ATP8B3: variants seen among roughly 807,000 people sequenced by gnomAD.
ATP8B3 encodes the protein phospholipid-transporting ATPase IK.
In ATP8B3, 141 loss-of-function variants were observed where a neutral mutation model predicts 140.9. That is an observed-to-expected ratio of 1.00 (90% CI 0.87 to 1.15). ATP8B3 has a LOEUF of 1.15. Among genes scored for constraint, ATP8B3 ranks in the 50% most tolerant of loss-of-function variants. The pLI is 0.00. For missense variants in ATP8B3, 1,874 were observed against 1,740.6 expected (o/e 1.08, Z -1.36); for synonymous variants, 765 against 714.6 (o/e 1.07, Z -1.13).
At chr19:1,787,019 C>A in intron 25 of ATP8B3, 84 bp downstream of exon 25, 3 of 1,338,238 alleles carry the variant, frequency 2.2e-6, no homozygotes, top group Non-Finnish European at 3.1e-6. Context: ...CTCCCAGGCT[C>A]CCTCTCCCCG....
Position 1,800,346 on chromosome 19 carries a change from C to T in ATP8B3, c.1256G>A (p.Gly419Glu), listed in dbSNP as rs2145195881. ...DHHYYLSGVH[G>E]SSVAAESFFV... ...GAAGGACTCTGCGGCCACGCTGCTC[C>T]CATGCACCCCCGAGAGGTAGTAGTG... Residue 419 changes from glycine to glutamate, a missense_variant, in exon 13 of 29, where the codon GGG becomes GAG. Gly to Glu is a moderately conservative substitution (Grantham distance 98). Transcript: ENST00000310127. This position sits in a 1 kb window ranked among gnomAD's most constrained non-coding sequence, Gnocchi z 4.4. The T allele has an allele frequency of 1.9e-6, 3 of 1,612,834 alleles. No individual in the cohort carries two copies. Among genetic ancestry groups the T allele is most frequent in the East Asian group, 2.2e-5 (1 of 44,870 alleles).
intron 28 of ATP8B3, among the ~76,000 whole-genome samples, chr19:1,784,066 C>A (rs2068232721): frequency 6.6e-6 from 1 of 152,202 alleles, no homozygotes; most frequent in Admixed American, 6.5e-5. Flanking sequence ...CTTCTCACGG[C>A]TCAGGCGTGT....
At position 1,796,870 on chromosome 19, in the gene ATP8B3, A is replaced by C. The variant is rs200011518; in HGVS notation, c.1594T>G (p.Tyr532Asp). The C allele has an allele frequency of 7.2e-4, 1,144 of 1,599,576 alleles. 6 individuals are homozygous for C. In the African/African-American group the frequency reaches 0.014, roughly 19 times the overall value. ...EATTRPKENP[Y>D]LWNKFADGKL... Reference sequence around the variant, plus strand: ...CCGTCGGCGAACTTGTTCCAGAGGTAGGGGTTCTCCTGGGGGTGGCGGGGG... The same window carrying C: ...CCGTCGGCGAACTTGTTCCAGAGGTCGGGGTTCTCCTGGGGGTGGCGGGGG... Residue 532 changes from tyrosine (Y) to aspartate (D), a missense_variant, in exon 16 of 29, where the codon TAC (tyrosine) becomes GAC (aspartate). By Grantham distance (160) the Tyr-to-Asp change is radical. Around this residue, in one of 3 missense-constraint regions of ATP8B3, gnomAD observed 1,032 missense variants for 963.6 expected, o/e 1.07. Coordinates refer to ENST00000310127, the MANE Select transcript of ATP8B3 (RefSeq NM_138813.4).
rs749758477 is a variant in ATP8B3, at chr19:1,808,280, AG to A, written c.457del (p.Leu153CysfsTer70). 3 of 1,613,242 alleles carry A rather than the reference AG, an allele frequency of 1.9e-6. No homozygotes were observed. The South Asian group carries it at 3.3e-5, about 18-fold the overall frequency. On this transcript the variant is annotated frameshift_variant, in exon 5 of 29. Coordinates refer to ENST00000310127, the MANE Select transcript of ATP8B3 (RefSeq NM_138813.4). LOFTEE classifies it high-confidence loss of function. The stretch of plus-strand genomic sequence containing the variant: ...GGACACGCGGTGGAACTGCTCGTAC[AG>A]GTTCAGCGGCAGGAACGAGTAGAAG... ...YNFYSFLPLN[L>X]YEQFHRVSNL...
intron 25 of ATP8B3, among the ~76,000 whole-genome samples, 163 bp downstream of exon 25, chr19:1,786,940 G>C (rs953188916): frequency 6.6e-6 from 1 of 152,170 alleles, no homozygotes; most frequent in Non-Finnish European, 1.5e-5. Flanking sequence ...GGTGGGAGAA[G>C]GTCAATGGCA....
chr19:1,810,167 G>A (rs1416306772), intron 3 of ATP8B3, among the ~76,000 whole-genome samples: 1 of 152,262 alleles, frequency 6.6e-6, no homozygotes, highest in Non-Finnish European at 1.5e-5. Flanking sequence ...GTCAGTACTA[G>A]GGTTGGAGAC....
At chr19:1,802,752 C>A in intron 10 of ATP8B3, 107 bp from the exon 11 acceptor site, 1 of 1,368,110 alleles carries the variant, frequency 7.3e-7, no homozygotes, top group Non-Finnish European at 9.9e-7. Flanking sequence ...ACGAGCCCCT[C>A]TGTGCCCCAA....
In ATP8B3 at chr19:1,788,996, G is replaced by C. The variant is rs201125681; in HGVS notation, c.2970C>G (p.Tyr990Ter). Residue 990 changes from tyrosine to a stop codon, truncating the protein, a stop_gained, in exon 24 of 29, where the codon TAC (tyrosine) becomes TAG (stop). Coordinates refer to ENST00000310127, the MANE Select transcript of ATP8B3 (RefSeq NM_138813.4). LOFTEE classifies it high-confidence loss of function. Reference sequence around the variant, plus strand: ...AGCGCAGGAACTTGCAGATCCGCACGTAGGACCAGCGGCCGTGCACCAGCA... The same window carrying C: ...AGCGCAGGAACTTGCAGATCCGCACCTAGGACCAGCGGCCGTGCACCAGCA... ...RLLLVHGRWS[Y>*]VRICKFLRYF... The C allele has an allele frequency of 6.6e-5, 106 of 1,610,450 alleles. No homozygotes were observed. The highest frequency in any genetic ancestry group is 1.2e-5 in the Non-Finnish European group (14 of 1,178,852).
At position 1,783,043 on chromosome 19, in the gene ATP8B3, T is replaced by C; in HGVS notation, c.3888A>G (p.Pro1296=). ...DPSDEEAASS[P]KESQ ...TCCTGAGGTGTCACTGTGACTCTTT[T>C]GGGCTCGAAGCTGCCTCTTCATCAG... Residue 1296 remains proline, a synonymous_variant, in exon 29 of 29, where the codon CCA becomes CCG. Coordinates refer to ENST00000310127, the MANE Select transcript of ATP8B3 (RefSeq NM_138813.4). 6.2e-7 allele frequency: 1 copy of C among 1,608,068 alleles called. No individual in the cohort carries two copies. The highest frequency in any genetic ancestry group is 2.2e-5 in the East Asian group (1 of 44,736).
At position 1,800,294 on chromosome 19, in the gene ATP8B3, C is replaced by A. The variant is rs1568646297; in HGVS notation, c.1308G>T (p.Leu436=). 7.4e-6 allele frequency: 12 copies of A among 1,612,602 alleles called. No homozygotes were observed. Among genetic ancestry groups the A allele is most frequent in the Admixed American group, 1.7e-5 (1 of 59,898 alleles). ...SFFVFWSFLI[L]LSVTIPMSMF... is the part of the protein sequence containing the mutation. ...TGGACATCGGGATGGTGACGCTGAG[C>A]AGGATGAGGAAGCTCCAGAAGACGA... The change falls in exon 13 of 29, where the codon CTG becomes CTT. Residue 436 remains leucine, a synonymous_variant. Transcript: ENST00000310127. The surrounding 1 kb of genome is among the most constrained non-coding windows in gnomAD (Gnocchi z 4.4).
chr19:1,785,667 G>A lies in ATP8B3; in HGVS notation c.3195C>T (p.Tyr1065=), dbSNP rs144109112. 1.5e-3 allele frequency: 2,375 copies of A among 1,608,714 alleles called. 28 individuals carry two copies. In the African/African-American group the frequency reaches 0.024, roughly 17 times the overall value. ...AGAGCTCGTCCTTCTGCCCCACCAC[G>A]TACAGCTCCGGCTTCTCCAGGCTCT... ...AEQSLEKPEL[Y]VVGQKDELFN... is the part of the protein sequence containing the mutation. The change falls in exon 26 of 29, where the codon TAC becomes TAT. Residue 1065 remains tyrosine (Y), a synonymous_variant. Transcript: ENST00000310127.
chr19:1,790,061 C>T, intron 21 of ATP8B3, 72 bp from the exon 22 acceptor site: 2 of 1,126,492 alleles, frequency 1.8e-6, no homozygotes, highest in Non-Finnish European at 2.6e-6. Flanking sequence ...GGCTCCACTG[C>T]CCCTCCCACC....
chr19:1,783,415 A>G, intron 28 of ATP8B3, 145 bp from the exon 29 acceptor site: 1 of 1,087,678 alleles, frequency 9.2e-7, no homozygotes, highest in Non-Finnish European at 1.3e-6. Context: ...TGAGCCAATT[A>G]GAGTCCTCGA....
Position 1,808,242 on chromosome 19 carries a change from G to C in ATP8B3, c.496C>G (p.Leu166Val). ...CTCACCTGCAGGATGATGATGATGA[G>C]GAAGAACAGGTTGGACACGCGGTGG... ...QFHRVSNLFF[L>V]IIIILQSIPD... Residue 166 changes from leucine to valine, a missense_variant, in exon 5 of 29, where the codon CTC becomes GTC. By Grantham distance (32) the Leu-to-Val change is conservative. Transcript: ENST00000310127. 6.2e-7 allele frequency: 1 copy of C among 1,611,908 alleles called. No homozygotes were observed. The highest frequency in any genetic ancestry group is 1.1e-5 in the South Asian group (1 of 90,956).
chr19:1,791,698 T>C (rs2068514930), intron 20 of ATP8B3, 52 bp downstream of exon 20: 1 of 1,410,780 alleles, frequency 7.1e-7, no homozygotes, highest in African/African-American at 1.4e-5. Flanking sequence ...TCAGGGAAGT[T>C]TGAAGACCCA....
intron 2 of ATP8B3, 50 bp downstream of exon 2, chr19:1,811,439 C>T (rs200182646): frequency 1.7e-5 from 26 of 1,572,308 alleles, no homozygotes; most frequent in African/African-American, 2.7e-5. Context: ...GTGCCCTCCC[C>T]GCCAAGCCCC....
At chr19:1,801,063 C>T (rs537175585) in intron 12 of ATP8B3, among the ~76,000 whole-genome samples, 35 of 151,896 alleles carry the variant, frequency 2.3e-4, no homozygotes, top group African/African-American at 7.7e-4. Flanking sequence ...CTCCTGACCT[C>T]GTGATCCACC....
Position 1,789,959 on chromosome 19 carries a change from A to C in ATP8B3, c.2409T>G (p.Ser803Arg). Residue 803 changes from serine (S) to arginine (R), a missense_variant, in exon 22 of 29, where the codon AGT (serine) becomes AGG (arginine). By Grantham distance (110) the Ser-to-Arg change is moderately radical. This residue lies in a region of ATP8B3 where 840 missense variants were observed against 760.9 expected (regional missense o/e 1.10). Transcript: ENST00000310127. ...GGGACTCCCTGGTTAGAAGGTTGTT[A>C]CTGTTTTCCCAGTAGGTCTCCAGGA... ...SRILETYWEN[S>R]NNLLTRESLS... The C allele has an allele frequency of 6.2e-7, 1 of 1,612,006 alleles. No individual in the cohort carries two copies. The highest frequency in any genetic ancestry group is 8.5e-7 in the Non-Finnish European group (1 of 1,179,540).
chr19:1,809,251 G>A (rs1236212147), intron 4 of ATP8B3, among the ~76,000 whole-genome samples: 4 of 152,000 alleles, frequency 2.6e-5, no homozygotes, highest in Non-Finnish European at 5.9e-5. Flanking sequence ...GGGAGGCCGA[G>A]GTGGGTGGAT....
Sources: gnomAD v4.1 joint callset for allele counts (sites outside exome capture counted in the v4.1 genomes callset) on GRCh38, gnomAD v4.1.1 for gene constraint, gnomAD v4.1.1 regional missense constraint, Gnocchi (gnomAD v3.1) non-coding constraint, MANE v1.5 for transcripts, NCBI Gene and HGNC (gene_info 2026-07-23, HGNC 2026-07-21) for gene names.